Variants in DPP10 observed in about 807,000 individuals in gnomAD.
The protein encoded by DPP10 is dipeptidyl peptidase like 10.
In DPP10, 33 loss-of-function variants were observed where a neutral mutation model predicts 120.9. The observed-to-expected ratio is 0.27, with a 90% CI of 0.21 to 0.37. The LOEUF (loss-of-function observed/expected upper bound fraction) is 0.37, where lower values mean the gene tolerates loss of function less well. Ranked by LOEUF, DPP10 falls within the 10% of genes least tolerant of loss-of-function variation. DPP10 has a pLI of 1.00. For synonymous variants in DPP10, 337 were observed against 326.1 expected, an observed-to-expected ratio of 1.03 and a Z score of -0.36; for missense variants, 816 against 942.8, an observed-to-expected ratio of 0.87 and a Z score of 1.76.
chr2:115,791,648 G>A (rs930058778), intron 19 of DPP10, among the ~76,000 whole-genome samples: 4 of 152,114 alleles, frequency 2.6e-5, no homozygotes, highest in South Asian at 2.1e-4. Context: ...CAAGCCCTGC[G>A]CTCTTTATCA....
chr2:115,798,455 AG>A (rs1318320614), intron 19 of DPP10, among the ~76,000 whole-genome samples: 2 of 152,084 alleles, frequency 1.3e-5, no homozygotes, highest in African/African-American at 4.8e-5. Flanking sequence ...ATGTTATTCC[AG>A]GATTTTTTAA....
chr2:115,724,534 T>G (rs1482735174), intron 7 of DPP10, among the ~76,000 whole-genome samples: 2 of 152,232 alleles, frequency 1.3e-5, no homozygotes, highest in Non-Finnish European at 2.9e-5. Flanking sequence ...CTATTTTTTT[T>G]TGTGGTGACT....
intron 1 of DPP10, among the ~76,000 whole-genome samples, chr2:115,299,272 T>A (rs183535761): frequency 4.6e-5 from 7 of 152,182 alleles, no homozygotes; most frequent in Admixed American, 1.3e-4. Context: ...ATAGTGTTCA[T>A]GTAAAGAAAA....
At chr2:115,696,064 C>T (rs1161086217) in intron 7 of DPP10, among the ~76,000 whole-genome samples, 1 of 151,206 alleles carries the variant, frequency 6.6e-6, no homozygotes, top group Non-Finnish European at 1.5e-5. Context: ...GTATTAGGAA[C>T]ATAAAAAATA....
chr2:115,769,488 G>A (rs1485263405), intron 13 of DPP10, among the ~76,000 whole-genome samples: 1 of 151,912 alleles, frequency 6.6e-6, no homozygotes, highest in Non-Finnish European at 1.5e-5. Context: ...AGTTGTCATT[G>A]TTTTAACTTT....
chr2:115,575,485 A>G (rs957676522), intron 5 of DPP10, among the ~76,000 whole-genome samples: 3 of 152,170 alleles, frequency 2.0e-5, no homozygotes, highest in African/African-American at 7.2e-5. Context: ...TAAAAGATCA[A>G]ACGTAGTTTT....
At chr2:114,993,767 ATG>A (rs908512248) in intron 1 of DPP10, among the ~76,000 whole-genome samples, 4 of 151,838 alleles carry the variant, frequency 2.6e-5, no homozygotes, top group African/African-American at 7.3e-5. Context: ...ATGTGCATGT[ATG>A]TGTGTGTGTT....
At chr2:115,666,943 G>A (rs1451339389) in intron 5 of DPP10, among the ~76,000 whole-genome samples, 2 of 152,014 alleles carry the variant, frequency 1.3e-5, no homozygotes, top group Non-Finnish European at 2.9e-5. Flanking sequence ...TTTAGTAATA[G>A]CCATTCTGAC....
intron 1 of DPP10, among the ~76,000 whole-genome samples, chr2:115,035,530 T>G (rs1704169076): frequency 6.6e-6 from 1 of 152,246 alleles, no homozygotes. Flanking sequence ...CACAACAAAT[T>G]CCTAAAAACT....
At chr2:114,720,110 C>G (rs1434911330) in intron 1 of DPP10, among the ~76,000 whole-genome samples, 2 of 152,114 alleles carry the variant, frequency 1.3e-5, no homozygotes, top group African/African-American at 4.8e-5. Context: ...GATAAGGGAA[C>G]TTCGGAGAAC....
At chr2:114,702,479 G>T (rs1394492247) in intron 1 of DPP10, among the ~76,000 whole-genome samples, 3 of 151,968 alleles carry the variant, frequency 2.0e-5, no homozygotes, top group African/African-American at 7.2e-5. Flanking sequence ...TGCAGAGAGG[G>T]CACAGGCACC....
At chr2:115,470,796 T>C (rs1320076198) in intron 3 of DPP10, among the ~76,000 whole-genome samples, 1 of 152,200 alleles carries the variant, frequency 6.6e-6, no homozygotes, top group Non-Finnish European at 1.5e-5. Context: ...ATCTGTCTAA[T>C]GTATTGTCTA....
At chr2:115,042,668 GAGAT>G (rs772734217) in intron 1 of DPP10, among the ~76,000 whole-genome samples, 4 of 152,220 alleles carry the variant, frequency 2.6e-5, no homozygotes, top group Non-Finnish European at 5.9e-5. Flanking sequence ...AGGAAGGCAA[GAGAT>G]AGAGAGGACA....
intron 17 of DPP10, among the ~76,000 whole-genome samples, chr2:115,787,852 T>C (rs1053380610): frequency 3.9e-5 from 6 of 152,124 alleles, no homozygotes; most frequent in Non-Finnish European, 7.4e-5. Context: ...CCACATATTA[T>C]GCACATAGTA....
chr2:115,393,667 G>T (rs2067473656), intron 3 of DPP10, among the ~76,000 whole-genome samples: 1 of 152,172 alleles, frequency 6.6e-6, no homozygotes. Flanking sequence ...ATTGGAACTT[G>T]TTACTTTCTC....
At chr2:115,321,959 T>C (rs1159901411) in intron 2 of DPP10, among the ~76,000 whole-genome samples, 1 of 152,178 alleles carries the variant, frequency 6.6e-6, no homozygotes, top group African/African-American at 2.4e-5. Flanking sequence ...TAGCTCTTTA[T>C]TCATGATTTC....
intron 1 of DPP10, among the ~76,000 whole-genome samples, chr2:114,496,776 T>C (rs1394140912): frequency 6.6e-6 from 1 of 151,936 alleles, no homozygotes; most frequent in African/African-American, 2.4e-5. Flanking sequence ...TTGGGAACAC[T>C]CAATGAGACG....
intron 1 of DPP10, among the ~76,000 whole-genome samples, chr2:114,773,056 C>G (rs926114585): frequency 6.6e-6 from 1 of 152,156 alleles, no homozygotes; most frequent in Non-Finnish European, 1.5e-5. Context: ...AATAACAAAA[C>G]CTACTTCATA....
chr2:115,039,944 C>A (rs1048736244), intron 1 of DPP10, among the ~76,000 whole-genome samples: 4 of 151,684 alleles, frequency 2.6e-5, no homozygotes, highest in African/African-American at 9.7e-5. Flanking sequence ...TTACATGGCC[C>A]ATACAGGAGG....
Sources: gnomAD v4.1 joint callset for allele counts (sites outside exome capture counted in the v4.1 genomes callset) on GRCh38, gnomAD v4.1.1 for gene constraint, MANE v1.5 for transcripts, NCBI Gene and HGNC (gene_info 2026-07-23, HGNC 2026-07-21) for gene names.